STAU2: variants seen among roughly 807,000 people sequenced by gnomAD.
STAU2 encodes staufen double-stranded RNA binding protein 2.
In STAU2, 20 loss-of-function variants were observed where a neutral mutation model predicts 65.9. That is an observed-to-expected ratio of 0.30 (90% CI 0.21 to 0.44). STAU2 has a LOEUF of 0.44. STAU2 is among the 20% of genes least tolerant of loss of function. The pLI is 1.00. For missense variants in STAU2, 558 were observed against 683.9 expected (o/e 0.82, Z 2.05); for synonymous variants, 232 against 233.9 (o/e 0.99, Z 0.07).
intron 13 of STAU2, among the ~76,000 whole-genome samples, chr8:73,500,748 T>A (rs1433068587): frequency 6.6e-6 from 1 of 151,944 alleles, no homozygotes; most frequent in East Asian, 1.9e-4. Flanking sequence ...AACTTGAGAC[T>A]AATTATATGA....
At chr8:73,604,469 A>G (rs1811868423) in intron 9 of STAU2, among the ~76,000 whole-genome samples, 1 of 152,062 alleles carries the variant, frequency 6.6e-6, no homozygotes, top group South Asian at 2.1e-4. Context: ...ACCTCAGGTG[A>G]TCCCACTGGC....
intron 6 of STAU2, among the ~76,000 whole-genome samples, chr8:73,650,510 T>C (rs1485665920): frequency 6.6e-6 from 1 of 152,122 alleles, no homozygotes; most frequent in Non-Finnish European, 1.5e-5. Flanking sequence ...GTCAAAAATG[T>C]TTTAAAAGTC....
intron 3 of STAU2, among the ~76,000 whole-genome samples, chr8:73,723,664 C>T (rs1434141416): frequency 2.0e-5 from 3 of 152,076 alleles, no homozygotes; most frequent in East Asian, 1.9e-4. Flanking sequence ...AATCTCATAC[C>T]GTATATTTTT....
At chr8:73,460,541 T>C (rs1489258077) in intron 13 of STAU2, among the ~76,000 whole-genome samples, 1 of 152,214 alleles carries the variant, frequency 6.6e-6, no homozygotes, top group African/African-American at 2.4e-5. Context: ...GCTAAATAAT[T>C]ATTACATTGG....
At chr8:73,714,820 G>A (rs546491099) in intron 3 of STAU2, among the ~76,000 whole-genome samples, 4 of 152,254 alleles carry the variant, frequency 2.6e-5, no homozygotes, top group Admixed American at 1.3e-4. Flanking sequence ...GGTGGCTCAC[G>A]TCTGGAATCC....
At chr8:73,715,996 G>A (rs925763335) in intron 3 of STAU2, among the ~76,000 whole-genome samples, 3 of 152,028 alleles carry the variant, frequency 2.0e-5, no homozygotes, top group African/African-American at 7.2e-5. Flanking sequence ...CTCACTGCAA[G>A]CTCCGCCTCC....
At chr8:73,550,990 G>T in intron 13 of STAU2, 1 of 986,016 alleles carries the variant, frequency 1.0e-6, no homozygotes, top group Non-Finnish European at 1.2e-6. Flanking sequence ...CATTTCTAAA[G>T]GATATTACAG....
intron 13 of STAU2, among the ~76,000 whole-genome samples, chr8:73,506,525 AAC>A (rs1344124668): frequency 5.8e-4 from 89 of 152,266 alleles, no homozygotes; most frequent in African/African-American, 2.0e-3. Context: ...TAATTTTAAA[AAC>A]AGTTTATTAG....
At chr8:73,634,813 G>A (rs543846422) in intron 6 of STAU2, among the ~76,000 whole-genome samples, 11 of 152,158 alleles carry the variant, frequency 7.2e-5, no homozygotes, top group Non-Finnish European at 1.0e-4. Flanking sequence ...TAAAGTCTTC[G>A]CTCAAATCTC....
intron 13 of STAU2, among the ~76,000 whole-genome samples, chr8:73,467,744 A>G (rs1819738198): frequency 6.6e-6 from 1 of 152,136 alleles, no homozygotes; most frequent in Admixed American, 6.5e-5. Context: ...CTGGTATTAG[A>G]AAAAGGTGTA....
intron 12 of STAU2, among the ~76,000 whole-genome samples, chr8:73,570,487 A>T (rs1586028047): frequency 1.3e-5 from 2 of 152,176 alleles, no homozygotes; most frequent in Non-Finnish European, 2.9e-5. Context: ...GTGTACCTGA[A>T]AGTGACGGGA....
chr8:73,747,082 G>A (rs528260851), upstream of STAU2: 455 of 289,190 alleles, frequency 1.6e-3, no homozygotes, highest in Middle Eastern at 5.4e-3. Flanking sequence ...TCGCGACGCA[G>A]CTCCCGCCCC....
At chr8:73,621,300 G>A (rs995385470) in intron 6 of STAU2, among the ~76,000 whole-genome samples, 4 of 152,080 alleles carry the variant, frequency 2.6e-5, no homozygotes, top group Non-Finnish European at 2.9e-5. Context: ...TTCCCCTGCT[G>A]GCATTCATTT....
chr8:73,482,811 C>A (rs1195257734), intron 13 of STAU2, among the ~76,000 whole-genome samples: 1 of 152,090 alleles, frequency 6.6e-6, no homozygotes, highest in African/African-American at 2.4e-5. Flanking sequence ...CACTTCACAA[C>A]TTCATTTGCA....
chr8:73,739,785 G>T lies in STAU2; in HGVS notation c.-113C>A. 6 of 1,523,032 alleles carry T rather than the reference G, an allele frequency of 3.9e-6. No individual in the cohort carries two copies. Among genetic ancestry groups the T allele is most frequent in the Non-Finnish European group, 5.2e-6 (6 of 1,143,078 alleles). The allele number at this position is 1,523,032 out of a possible 1,614,324, so 94.3% of individuals were successfully genotyped here. On this transcript the variant is annotated 5_prime_UTR_variant, in exon 2 of 15. Transcript: ENST00000524300. ...TGAGCCTTGGTTCAAATTACTTTGT[G>T]TATCTTTGAGTTCTTCTTTTTCTGT... is the stretch of plus-strand genomic sequence containing the variant.
At chr8:73,485,182 T>A (rs1333030107) in intron 13 of STAU2, among the ~76,000 whole-genome samples, 1 of 126,890 alleles carries the variant, frequency 7.9e-6, no homozygotes, top group African/African-American at 3.0e-5. Context: ...AGACAGAATC[T>A]CGCTCTATCA....
chr8:73,471,170 TCTC>T (rs1347570315), intron 13 of STAU2, among the ~76,000 whole-genome samples: 19 of 125,112 alleles, frequency 1.5e-4, no homozygotes, highest in African/African-American at 4.7e-4. Context: ...ATTCTAATTC[TCTC>T]TTTTTTTTTT....
chr8:73,451,279 T>C (rs1032166653), intron 13 of STAU2, among the ~76,000 whole-genome samples: 20 of 152,110 alleles, frequency 1.3e-4, no homozygotes, highest in African/African-American at 4.8e-4. Flanking sequence ...TGCCCTAAAA[T>C]ATGCTTTTCC....
chr8:73,567,970 A>G (rs904672386), intron 12 of STAU2, among the ~76,000 whole-genome samples: 1 of 152,234 alleles, frequency 6.6e-6, no homozygotes, highest in African/African-American at 2.4e-5. Context: ...AAAAGGGTAC[A>G]TTATAATAAA....
Sources: gnomAD v4.1 joint callset for allele counts (sites outside exome capture counted in the v4.1 genomes callset) on GRCh38, gnomAD v4.1.1 for gene constraint, MANE v1.5 for transcripts, NCBI Gene and HGNC (gene_info 2026-07-23, HGNC 2026-07-21) for gene names.